FGD4: variants seen among roughly 807,000 people sequenced by gnomAD.
The protein encoded by FGD4 is FYVE, RhoGEF and PH domain containing 4, also known as FYVE, RhoGEF and PH domain-containing protein 4.
Under a neutral mutation model 102.0 loss-of-function variants are expected in FGD4, and 42 were observed. That is an observed-to-expected ratio of 0.41 (90% CI 0.32 to 0.53). The LOEUF is 0.53. FGD4 is among the 20% of genes least tolerant of loss of function. FGD4 has a pLI of 0.21. For missense variants in FGD4, 902 were observed against 1,078.2 expected (o/e 0.84, Z 2.29); for synonymous variants, 380 against 375.7 (o/e 1.01, Z -0.13).
intron 1 of FGD4, among the ~76,000 whole-genome samples, chr12:32,520,577 A>G (rs939730405): frequency 6.6e-6 from 1 of 151,904 alleles, no homozygotes; most frequent in African/African-American, 2.4e-5. Flanking sequence ...CTGGGATGAC[A>G]GGTGCCCACC....
At position 32,638,858 on chromosome 12, in the gene FGD4, C is replaced by A. The variant is rs866581793; in HGVS notation, c.2454+63C>A. 2.5e-6 allele frequency: 4 copies of A among 1,610,178 alleles called. No individual in the cohort carries two copies. The African/African-American group carries it at 5.4e-5, about 22-fold the overall frequency. On this transcript the variant is annotated intron_variant, in intron 16 of 16. Coordinates refer to ENST00000534526, the MANE Select transcript of FGD4 (RefSeq NM_001370298.3). ...TTGGGGGCAAGGGGAAGCGAGTGGACAGCGGACTCAAAATCTGTAGAACAA... is the reference window on the plus strand; with the variant it reads ...TTGGGGGCAAGGGGAAGCGAGTGGAAAGCGGACTCAAAATCTGTAGAACAA...
chr12:32,410,931 C>CTTTT (rs747780109), intron 1 of FGD4, among the ~76,000 whole-genome samples: 4 of 126,904 alleles, frequency 3.2e-5, no homozygotes, highest in African/African-American at 9.1e-5. Context: ...TTTTTTTTTT[C>CTTTT]TTTTTTTTTT....
intron 1 of FGD4, among the ~76,000 whole-genome samples, chr12:32,539,297 C>T (rs1054933701): frequency 1.3e-5 from 2 of 151,806 alleles, no homozygotes; most frequent in African/African-American, 4.8e-5. Context: ...GGGCCAGGTG[C>T]GGTGGCTCAC....
Position 32,556,259 on chromosome 12 carries a change from T to A in FGD4, c.167-7878T>A, listed in dbSNP as rs191441002. 3.5e-3 allele frequency among the ~76,000 whole-genome samples: 536 copies of A among 152,338 alleles called. 4 individuals carry two copies. Among genetic ancestry groups the A allele is most frequent in the African/African-American group, 0.012 (517 of 41,588 alleles). ...AAGGGGTATGCTTTAAAATTTTTTT[T>A]AATTTTAATTGTGGTAAAAGGTACT... On this transcript the variant is annotated intron_variant, in intron 1 of 16. Coordinates refer to ENST00000534526, the MANE Select transcript of FGD4 (RefSeq NM_001370298.3).
At chr12:32,415,710 G>A (rs754169782) in intron 1 of FGD4, among the ~76,000 whole-genome samples, 3 of 152,148 alleles carry the variant, frequency 2.0e-5, no homozygotes, top group Admixed American at 1.3e-4. Context: ...GTGAGCCACC[G>A]CGCCCAGCCT....
At chr12:32,631,757 G>C (rs1288317888) in intron 14 of FGD4, among the ~76,000 whole-genome samples, 2 of 152,016 alleles carry the variant, frequency 1.3e-5, no homozygotes, top group Non-Finnish European at 2.9e-5. Context: ...GCCTGCTTTG[G>C]CCTCCCAAAG....
At chr12:32,482,562 A>G (rs2136549500) in intron 1 of FGD4, among the ~76,000 whole-genome samples, 1 of 152,308 alleles carries the variant, frequency 6.6e-6, no homozygotes, top group South Asian at 2.1e-4. Flanking sequence ...ACTGCAAGAT[A>G]TGTTACTCTA....
intron 1 of FGD4, among the ~76,000 whole-genome samples, chr12:32,412,074 A>G (rs1941233465): frequency 6.6e-6 from 1 of 152,256 alleles, no homozygotes; most frequent in African/African-American, 2.4e-5. Context: ...ATGGGGCCCA[A>G]ATACTTACAT....
At chr12:32,633,006 G>A (rs965185315) in intron 14 of FGD4, among the ~76,000 whole-genome samples, 6 of 148,236 alleles carry the variant, frequency 4.0e-5, no homozygotes, top group African/African-American at 1.3e-4. Flanking sequence ...AAACTAAAAC[G>A]CCATGGACTT....
intron 4 of FGD4, chr12:32,583,018 G>C (rs1317004743): frequency 6.5e-6 from 1 of 153,214 alleles, no homozygotes; most frequent in Non-Finnish European, 1.5e-5. Context: ...AAATGGTGTA[G>C]TCTTTGAGTT....
chr12:32,630,383 A>C (rs1325865529), intron 14 of FGD4, among the ~76,000 whole-genome samples: 1 of 152,170 alleles, frequency 6.6e-6, no homozygotes, highest in Non-Finnish European at 1.5e-5. Context: ...TCTTAATGCT[A>C]TATAAACTTC....
At chr12:32,549,980 G>T (rs898031335) in intron 1 of FGD4, among the ~76,000 whole-genome samples, 2 of 152,086 alleles carry the variant, frequency 1.3e-5, no homozygotes, top group Non-Finnish European at 2.9e-5. Context: ...CTTACTTCTG[G>T]TCTCATCATC....
At chr12:32,411,078 G>A (rs1262931443) in intron 1 of FGD4, among the ~76,000 whole-genome samples, 8 of 151,060 alleles carry the variant, frequency 5.3e-5, no homozygotes, top group Admixed American at 5.3e-4. Context: ...TTACAGGCGC[G>A]CCACCACGCC....
intron 1 of FGD4, among the ~76,000 whole-genome samples, chr12:32,535,197 A>T (rs1425414945): frequency 2.0e-5 from 3 of 152,206 alleles, no homozygotes; most frequent in Admixed American, 1.3e-4. Flanking sequence ...AATCACTGAA[A>T]TGGGTTCATT....
At chr12:32,640,073 C>T (rs908711510) in intron 16 of FGD4, among the ~76,000 whole-genome samples, 5 of 152,220 alleles carry the variant, frequency 3.3e-5, no homozygotes, top group South Asian at 4.2e-4. Context: ...TGGGTGTCAG[C>T]TCTCATTCAT....
chr12:32,474,357 C>T (rs953413717), intron 1 of FGD4, among the ~76,000 whole-genome samples: 1 of 152,112 alleles, frequency 6.6e-6, no homozygotes, highest in Non-Finnish European at 1.5e-5. Flanking sequence ...AAATGTCCAG[C>T]TGATGAATAG....
chr12:32,630,423 C>A (rs890753513), intron 14 of FGD4, among the ~76,000 whole-genome samples: 17 of 152,156 alleles, frequency 1.1e-4, no homozygotes, highest in Admixed American at 1.1e-3. Context: ...CACCTATAAT[C>A]CCAGCACTTT....
chr12:32,516,939 C>T (rs955436611), intron 1 of FGD4, among the ~76,000 whole-genome samples: 1 of 152,038 alleles, frequency 6.6e-6, no homozygotes, highest in Admixed American at 6.6e-5. Context: ...AATATCACTC[C>T]GTAATACTGT....
At chr12:32,620,533 T>C (rs1439875746) in intron 11 of FGD4, among the ~76,000 whole-genome samples, 3 of 140,158 alleles carry the variant, frequency 2.1e-5, no homozygotes, top group Non-Finnish European at 4.6e-5. Context: ...TTTTTTTTTT[T>C]TTTTTTTTTT....
Sources: allele counts gnomAD v4.1 joint callset (sites outside exome capture counted in the v4.1 genomes callset), GRCh38; gene constraint gnomAD v4.1.1; transcripts MANE v1.5; gene names NCBI Gene and HGNC (gene_info 2026-07-23, HGNC 2026-07-21).